KLF13: variants seen among roughly 807,000 people sequenced by gnomAD.
KLF13 encodes KLF transcription factor 13, also known as Krueppel-like factor 13.
A neutral mutation model predicts 16.7 loss-of-function variants in KLF13; 8 were observed. The observed-to-expected ratio is 0.48, with a 90% CI of 0.28 to 0.87. The LOEUF is 0.87. KLF13 is among the 40% of genes least tolerant of loss of function. The pLI is 0.10. For synonymous variants in KLF13, 245 were observed against 208.4 expected, an observed-to-expected ratio of 1.18 and a Z score of -1.51; for missense variants, 447 against 452.2, an observed-to-expected ratio of 0.99 and a Z score of 0.10.
At chr15:31,354,554 G>A (rs1380660061) in intron 1 of KLF13, among the ~76,000 whole-genome samples, 1 of 152,048 alleles carries the variant, frequency 6.6e-6, no homozygotes, top group Non-Finnish European at 1.5e-5. Context: ...CTAATTTTTT[G>A]TATTTTTAGT....
intron 1 of KLF13, among the ~76,000 whole-genome samples, chr15:31,335,731 G>A (rs1383951750): frequency 6.6e-6 from 1 of 152,196 alleles, no homozygotes; most frequent in African/African-American, 2.4e-5. Flanking sequence ...GGGAAGCACT[G>A]AAGCTTGATG....
At chr15:31,410,610 CACACACACACACACA>C in intron 1 of KLF13, among the ~76,000 whole-genome samples, 1 of 150,256 alleles carries the variant, frequency 6.7e-6, no homozygotes, top group South Asian at 2.1e-4. Context: ...CACACACACA[CACACACACACACACA>C]CCCCTATAAC....
intron 1 of KLF13, among the ~76,000 whole-genome samples, chr15:31,365,220 C>T (rs1209773522): frequency 5.3e-5 from 8 of 152,172 alleles, no homozygotes; most frequent in Non-Finnish European, 1.0e-4. Flanking sequence ...CTTTGGAAGC[C>T]TCTCCCTGTG....
intron 2 of KLF13, among the ~76,000 whole-genome samples, chr15:31,399,030 C>T (rs2039996662): frequency 6.6e-6 from 1 of 152,206 alleles, no homozygotes; most frequent in Non-Finnish European, 1.5e-5. Context: ...TATCCTGCCT[C>T]AGTGAAGAGG....
At chr15:31,390,516 C>T (rs772585349), upstream of KLF13, among the ~76,000 whole-genome samples, 13 of 152,190 alleles carry the variant, frequency 8.5e-5, no homozygotes, top group Non-Finnish European at 1.5e-4. Context: ...TTGCCGTGAA[C>T]ATTTTATTTT....
chr15:31,396,368 A>C (rs2039952210), intron 2 of KLF13, among the ~76,000 whole-genome samples: 1 of 151,432 alleles, frequency 6.6e-6, no homozygotes, highest in Non-Finnish European at 1.5e-5. Flanking sequence ...CATGTTGGCC[A>C]GGATGGTCTT....
chr15:31,369,615 C>T (rs989669793), intron 1 of KLF13, among the ~76,000 whole-genome samples: 1 of 152,156 alleles, frequency 6.6e-6, no homozygotes, highest in African/African-American at 2.4e-5. Context: ...TGATGGTACT[C>T]TCTGGTGCAC....
intron 1 of KLF13, among the ~76,000 whole-genome samples, chr15:31,363,274 T>C (rs1026137487): frequency 5.3e-5 from 8 of 152,234 alleles, no homozygotes; most frequent in African/African-American, 1.9e-4. Context: ...TGAGAGCCAT[T>C]TGTAGTTCCT....
chr15:31,334,428 CTTTCT>C (rs913992852), intron 1 of KLF13, among the ~76,000 whole-genome samples: 3 of 151,718 alleles, frequency 2.0e-5, no homozygotes, highest in African/African-American at 4.8e-5. Context: ...TCTTTTCTTT[CTTTCT>C]TTTTTTTTTT....
At chr15:31,410,621 A>T (rs58861738) in intron 1 of KLF13, among the ~76,000 whole-genome samples, 6 of 144,740 alleles carry the variant, frequency 4.1e-5, no homozygotes, top group Admixed American at 1.4e-4. Flanking sequence ...ACACACACAC[A>T]CACACCCCTA....
At chr15:31,393,466 AGG>A (rs2039905399) in intron 1 of KLF13, 1 of 66,192 alleles carries the variant, frequency 1.5e-5, no homozygotes, top group Non-Finnish European at 2.7e-5. Flanking sequence ...CCCACCCGCC[AGG>A]GGGTTTCAGA....
intron 1 of KLF13, among the ~76,000 whole-genome samples, chr15:31,424,100 C>G (rs950782029): frequency 7.2e-5 from 11 of 152,104 alleles, no homozygotes; most frequent in African/African-American, 2.7e-4. Flanking sequence ...TAACCAAAAA[C>G]TTTCCCACCT....
At chr15:31,328,777 A>C (rs1014917908) in intron 1 of KLF13, among the ~76,000 whole-genome samples, 1 of 152,192 alleles carries the variant, frequency 6.6e-6, no homozygotes, top group African/African-American at 2.4e-5. Context: ...TAAAGATGAA[A>C]ATATTTTAAT....
intron 1 of KLF13, among the ~76,000 whole-genome samples, chr15:31,415,634 T>C (rs2040246282): frequency 6.6e-6 from 1 of 152,004 alleles, no homozygotes; most frequent in African/African-American, 2.4e-5. Flanking sequence ...GGAATGCGAG[T>C]AAAGCAGTGC....
Position 31,423,154 on chromosome 15 carries a change from C to T in KLF13, n.118-12216C>T, listed in dbSNP as rs1437249741. On this transcript the variant is annotated intron_variant and non_coding_transcript_variant, in intron 1 of 1. Transcript: ENST00000558225. The stretch of plus-strand genomic sequence containing the variant: ...ATACGTATACGTATACGTATATATA[C>T]GTATATATATGTATATATATACATA... 1.5e-4 allele frequency among the ~76,000 whole-genome samples: 14 copies of T among 92,602 alleles called. 1 individual carries two copies. Among genetic ancestry groups the T allele is most frequent in the Non-Finnish European group, 2.3e-4 (11 of 47,812 alleles). 60.8% of individuals were successfully genotyped at this position (92,602 alleles called of 152,430 possible).
chr15:31,336,854 C>T (rs1027941354), intron 1 of KLF13, among the ~76,000 whole-genome samples: 1 of 152,032 alleles, frequency 6.6e-6, no homozygotes, highest in Admixed American at 6.6e-5. Context: ...ATCTGGGAGC[C>T]GGGGTCAGCA....
upstream of KLF13, among the ~76,000 whole-genome samples, chr15:31,388,459 AC>A (rs2039818035): frequency 6.6e-6 from 1 of 152,002 alleles, no homozygotes; most frequent in Admixed American, 6.6e-5. Context: ...ATGTAAAAAT[AC>A]AAAATTAGCC....
intron 1 of KLF13, among the ~76,000 whole-genome samples, chr15:31,435,137 T>C (rs2040514718): frequency 6.6e-6 from 1 of 152,162 alleles, no homozygotes; most frequent in African/African-American, 2.4e-5. Context: ...CTTTTAAGTT[T>C]TGTCTATGTT....
At chr15:31,431,503 C>G (rs899304118) in intron 1 of KLF13, among the ~76,000 whole-genome samples, 5 of 152,062 alleles carry the variant, frequency 3.3e-5, no homozygotes, top group African/African-American at 1.2e-4. Flanking sequence ...CTCCCTCTGT[C>G]GCCCAGGATG....
Sources: allele counts gnomAD v4.1 joint callset (sites outside exome capture counted in the v4.1 genomes callset), GRCh38; gene constraint gnomAD v4.1.1; transcripts MANE v1.5; gene names NCBI Gene and HGNC (gene_info 2026-07-23, HGNC 2026-07-21).